Variants in AHI1 observed in about 807,000 individuals in gnomAD.
AHI1 encodes the protein Abelson helper integration site 1.
Under a neutral mutation model 149.3 loss-of-function variants are expected in AHI1, and 123 were observed. That is an observed-to-expected ratio of 0.82 (90% CI 0.71 to 0.96). The LOEUF is 0.96. AHI1 is among the 40% of genes least tolerant of loss of function. The pLI, the probability that AHI1 is intolerant of heterozygous loss-of-function variation, is 0.00. For synonymous variants in AHI1, 475 were observed against 459.8 expected, an observed-to-expected ratio of 1.03 and a Z score of -0.42; for missense variants, 1,439 against 1,422.7, an observed-to-expected ratio of 1.01 and a Z score of -0.18.
intron 25 of AHI1, among the ~76,000 whole-genome samples, chr6:135,322,109 T>C (rs1284285612): frequency 6.6e-6 from 1 of 152,250 alleles, no homozygotes; most frequent in Non-Finnish European, 1.5e-5. Flanking sequence ...GGCCCGCCTA[T>C]ACTACATTTT....
intron 5 of AHI1, among the ~76,000 whole-genome samples, chr6:135,480,186 G>A (rs528594623): frequency 2.7e-4 from 41 of 152,302 alleles, no homozygotes; most frequent in Non-Finnish European, 4.6e-4. Context: ...TCAGCCAGGC[G>A]TGGTGGCTCA....
chr6:135,381,535 C>T (rs903457985), intron 23 of AHI1, among the ~76,000 whole-genome samples: 13 of 152,156 alleles, frequency 8.5e-5, no homozygotes, highest in Non-Finnish European at 8.8e-5. Flanking sequence ...TGACTTGTGA[C>T]ACATGAGCCT....
chr6:135,296,277 C>G (rs1783084097), intron 27 of AHI1, among the ~76,000 whole-genome samples: 1 of 152,176 alleles, frequency 6.6e-6, no homozygotes, highest in African/African-American at 2.4e-5. Flanking sequence ...ACCACCAAGT[C>G]TCACCTGGAT....
In AHI1 at chr6:135,475,687, G is replaced by A. The variant is rs1013002667; in HGVS notation, c.136-8053C>T. 2.0e-5 allele frequency among the ~76,000 whole-genome samples: 3 copies of A among 152,174 alleles called. No individual in the cohort carries two copies. The East Asian group carries it at 5.8e-4, about 29-fold the overall frequency. ...GCACATTTTGTCACATGTTGTTGGA[G>A]GAATTAAGTGAGTCCCTTGCAACTC... is the stretch of plus-strand genomic sequence containing the variant. On this transcript the variant is annotated intron_variant, in intron 5 of 28. Coordinates refer to ENST00000265602, the MANE Select transcript of AHI1 (RefSeq NM_001134831.2).
chr6:135,451,035 C>T (rs1375811524), intron 11 of AHI1, among the ~76,000 whole-genome samples: 2 of 151,342 alleles, frequency 1.3e-5, no homozygotes, highest in African/African-American at 2.4e-5. Context: ...CTCACTCTGT[C>T]ACCCAGGCTG....
chr6:135,490,237 A>G (rs1795064465), intron 5 of AHI1: 1 of 722,146 alleles, frequency 1.4e-6, no homozygotes, highest in African/African-American at 1.7e-5. Context: ...TGTTGGGTAG[A>G]ATCACACAGA....
Position 135,323,244 on chromosome 6 carries a change from G to T in AHI1, c.3246C>A (p.Phe1082Leu). Reference protein sequence around the residue: ...IHRGDIIRVFFKDNEDWWYGS... With the variant: ...IHRGDIIRVFLKDNEDWWYGS... ...CATACCACCAGTCTTCATTATCTTT[G>T]AAAAACACTCGGATAATGTCTCCGC... Residue 1082 changes from phenylalanine (F) to leucine (L), a missense_variant, in exon 25 of 29, where the codon TTC becomes TTA. Phe to Leu is a conservative substitution (Grantham distance 22, BLOSUM62 0). Coordinates refer to ENST00000265602, the MANE Select transcript of AHI1 (RefSeq NM_001134831.2). 1 of 1,613,780 alleles carries T rather than the reference G, an allele frequency of 6.2e-7. No homozygotes were observed. Among genetic ancestry groups the T allele is most frequent in the Non-Finnish European group, 8.5e-7 (1 of 1,179,798 alleles).
In AHI1 at chr6:135,471,241, C is replaced by G. The variant is rs189156787; in HGVS notation, c.136-3607G>C. On this transcript the variant is annotated intron_variant, in intron 5 of 28. Transcript: ENST00000265602. ...AAGGCTGTTTTTTGTTTATTTACCA[C>G]TGATCTGTCAGCCTTTGCACTAATA... Among the ~76,000 whole-genome samples the G allele has an allele frequency of 5.9e-4, 90 of 152,292 alleles. 2 individuals carry two copies. The Middle Eastern group carries it at 0.01, about 17-fold the overall frequency.
intron 5 of AHI1, among the ~76,000 whole-genome samples, chr6:135,468,676 G>A (rs1327084497): frequency 1.3e-5 from 2 of 152,040 alleles, no homozygotes; most frequent in Non-Finnish European, 2.9e-5. Flanking sequence ...TATCCCCATC[G>A]ACCCCACAGA....
At chr6:135,329,706 G>A (rs958588672) in intron 24 of AHI1, among the ~76,000 whole-genome samples, 1 of 152,190 alleles carries the variant, frequency 6.6e-6, no homozygotes, top group Non-Finnish European at 1.5e-5. Flanking sequence ...TATTTCTTAA[G>A]TCCATAGCTG....
intron 23 of AHI1, among the ~76,000 whole-genome samples, chr6:135,371,727 A>C (rs777980095): frequency 2.6e-5 from 4 of 152,234 alleles, no homozygotes; most frequent in Non-Finnish European, 5.9e-5. Flanking sequence ...TACAAAGACT[A>C]AGACAAGAAG....
chr6:135,396,722 T>C (rs1018899323), intron 22 of AHI1, among the ~76,000 whole-genome samples: 1 of 151,840 alleles, frequency 6.6e-6, no homozygotes, highest in Admixed American at 6.6e-5. Context: ...AATTTTTATC[T>C]TAAAATCAAG....
At chr6:135,315,153 A>G (rs1785753780) in intron 26 of AHI1, among the ~76,000 whole-genome samples, 1 of 152,128 alleles carries the variant, frequency 6.6e-6, no homozygotes, top group Non-Finnish European at 1.5e-5. Context: ...TGGAATCTTA[A>G]TGTTCAAGAG....
chr6:135,407,662 T>A (rs1664300809), intron 21 of AHI1, among the ~76,000 whole-genome samples: 1 of 152,134 alleles, frequency 6.6e-6, no homozygotes, highest in Non-Finnish European at 1.5e-5. Flanking sequence ...TCAAAGTAAA[T>A]TTTTTTATAA....
Position 135,455,675 on chromosome 6 carries a change from C to T in AHI1, c.1344+59G>A, listed in dbSNP as rs1366603696. On this transcript the variant is annotated intron_variant, in intron 10 of 28. Transcript: ENST00000265602. ...CTGGACTACTAAAAATAATAGCTTA[C>T]ATTTGTGCTATTAAATATTAACTAT... The T allele has an allele frequency of 2.6e-5, 33 of 1,251,756 alleles. No homozygotes were observed. In the South Asian group the frequency reaches 6.8e-4, roughly 26 times the overall value. 77.5% of individuals were successfully genotyped at this position (1,251,756 alleles called of 1,614,324 possible). A position where few individuals can be genotyped will look rare whatever the true frequency, so the allele number is the denominator to read the frequency against.
intron 22 of AHI1, among the ~76,000 whole-genome samples, chr6:135,395,309 A>T (rs1462706358): frequency 6.6e-6 from 1 of 151,970 alleles, no homozygotes; most frequent in Non-Finnish European, 1.5e-5. Context: ...AGAGATACAC[A>T]GAAAACACCT....
chr6:135,433,975 C>A (rs1353549114), intron 15 of AHI1, among the ~76,000 whole-genome samples: 1 of 151,952 alleles, frequency 6.6e-6, no homozygotes, highest in Non-Finnish European at 1.5e-5. Flanking sequence ...TAAGGGTTAA[C>A]CTCTTAGATA....
rs555546864 is a variant in AHI1, at chr6:135,455,668, T to C, written c.1344+66A>G. The C allele has an allele frequency of 7.3e-5, 89 of 1,219,482 alleles. No individual in the cohort carries two copies. The South Asian group carries it at 2.1e-3, about 29-fold the overall frequency. The allele number at this position is 1,219,482 out of a possible 1,614,324, so 75.5% of individuals were successfully genotyped here. On this transcript the variant is annotated intron_variant, in intron 10 of 28. Coordinates refer to ENST00000265602, the MANE Select transcript of AHI1 (RefSeq NM_001134831.2). ...TGCCTTACTGGACTACTAAAAATAA[T>C]AGCTTACATTTGTGCTATTAAATAT...
intron 20 of AHI1, among the ~76,000 whole-genome samples, chr6:135,413,701 G>C (rs1781934785): frequency 6.7e-6 from 1 of 150,140 alleles, no homozygotes; most frequent in South Asian, 2.1e-4. Flanking sequence ...TCATCTATAT[G>C]TCTATATACA....
Sources: gnomAD v4.1 joint callset for allele counts (sites outside exome capture counted in the v4.1 genomes callset) on GRCh38, gnomAD v4.1.1 for gene constraint, MANE v1.5 for transcripts, NCBI Gene and HGNC (gene_info 2026-07-23, HGNC 2026-07-21) for gene names.